SLC44A5: variants seen among roughly 807,000 people sequenced by gnomAD.
SLC44A5 encodes choline transporter-like protein 5.
In SLC44A5, 57 loss-of-function variants were observed where a neutral mutation model predicts 101.8. The ratio of observed to expected loss-of-function variants is 0.56; its 90% CI spans 0.45 to 0.70. The LOEUF is 0.70. Ranked by LOEUF, SLC44A5 falls within the 30% of genes least tolerant of loss-of-function variation. SLC44A5 has a pLI of 0.00. For synonymous variants in SLC44A5, 281 were observed against 290.9 expected, an observed-to-expected ratio of 0.97 and a Z score of 0.35; for missense variants, 737 against 853.1, an observed-to-expected ratio of 0.86 and a Z score of 1.70.
chr1:75,565,346 T>G (rs1226263468), intron 1 of SLC44A5, among the ~76,000 whole-genome samples: 3 of 152,196 alleles, frequency 2.0e-5, no homozygotes, highest in Admixed American at 6.5e-5. Context: ...AAGAGAAGTC[T>G]AGAGAGAACA....
chr1:75,515,520 T>A (rs1669783532), intron 2 of SLC44A5, among the ~76,000 whole-genome samples: 1 of 152,230 alleles, frequency 6.6e-6, no homozygotes, highest in East Asian at 1.9e-4. Flanking sequence ...TAGGTAAGAA[T>A]GTGAGATATT....
Position 75,219,866 on chromosome 1 carries a change from A to G in SLC44A5, c.1112T>C (p.Leu371Ser). ...AATGAAAGTTAAAGCTGGATAGACTAATGTACTAGGAACATATCCAATGGC... is the reference window on the plus strand; with the variant it reads ...AATGAAAGTTAAAGCTGGATAGACTGATGTACTAGGAACATATCCAATGGC... ...SKAIGYVPSTLVYPALTFILL... is the reference protein window; with the variant it reads ...SKAIGYVPSTSVYPALTFILL... Residue 371 changes from leucine (L) to serine (S), a missense_variant, in exon 15 of 24, where the codon TTA becomes TCA. Leu to Ser is a moderately radical substitution (Grantham distance 145). Transcript: ENST00000370859. The G allele has an allele frequency of 6.2e-7, 1 of 1,611,634 alleles. No homozygotes were observed. Among genetic ancestry groups the G allele is most frequent in the Non-Finnish European group, 8.5e-7 (1 of 1,178,210 alleles).
At chr1:75,715,292 A>G in the SLC44A5 span, among the ~76,000 whole-genome samples, 1 of 152,194 alleles carries the variant, frequency 6.6e-6, no homozygotes, top group Non-Finnish European at 1.5e-5. Context: ...TTAAAAAAAC[A>G]ATATTTTAAA....
chr1:75,315,811 ATC>A (rs1655642902), intron 4 of SLC44A5, among the ~76,000 whole-genome samples: 1 of 151,886 alleles, frequency 6.6e-6, no homozygotes, highest in South Asian at 2.1e-4. Flanking sequence ...CTCCTTAACT[ATC>A]TCTGCCCGCC....
At chr1:75,591,728 A>G (rs1570693379) in intron 1 of SLC44A5, among the ~76,000 whole-genome samples, 3 of 152,292 alleles carry the variant, frequency 2.0e-5, no homozygotes, top group Middle Eastern at 3.4e-3. Flanking sequence ...CAACATATGC[A>G]AATCAAGCAA....
rs117201820 is a variant in SLC44A5, at chr1:75,486,685, G to A, written c.13+54750C>T. Reference sequence around the variant, plus strand: ...CAAAGAGGCCACAGGCCCCATGCCAGTCTGAAACCCAGTGGGGCAGTCATT... The same window carrying A: ...CAAAGAGGCCACAGGCCCCATGCCAATCTGAAACCCAGTGGGGCAGTCATT... On this transcript the variant is annotated intron_variant, in intron 2 of 23. Coordinates refer to ENST00000370859, the MANE Select transcript of SLC44A5 (RefSeq NM_001130058.2). Among the ~76,000 whole-genome samples, 470 of 152,338 alleles carry A rather than the reference G, an allele frequency of 3.1e-3. 31 individuals carry two copies. In the East Asian group the frequency reaches 0.083, roughly 27 times the overall value.
chr1:75,569,320 A>G (rs889566856), intron 1 of SLC44A5, among the ~76,000 whole-genome samples: 4 of 144,252 alleles, frequency 2.8e-5, no homozygotes, highest in Non-Finnish European at 6.0e-5. Context: ...GGCTCACTGC[A>G]GCTTCTACCT....
chr1:75,343,033 G>A (rs1160685048), intron 3 of SLC44A5, among the ~76,000 whole-genome samples: 6 of 151,974 alleles, frequency 3.9e-5, no homozygotes, highest in Non-Finnish European at 7.4e-5. Context: ...GGGCCCTCAC[G>A]TACTCTAATT....
chr1:75,704,525 T>C, the SLC44A5 span, among the ~76,000 whole-genome samples: 1 of 152,204 alleles, frequency 6.6e-6, no homozygotes, highest in African/African-American at 2.4e-5. Context: ...AAATTTGTAA[T>C]TTTCTCCCTA....
intron 5 of SLC44A5, among the ~76,000 whole-genome samples, chr1:75,289,325 G>C (rs1183391592): frequency 6.6e-6 from 1 of 152,172 alleles, no homozygotes; most frequent in East Asian, 1.9e-4. Context: ...AGTCACAGTA[G>C]AGGTCTCTAG....
chr1:75,648,767 GA>G, the SLC44A5 span, among the ~76,000 whole-genome samples: 1 of 149,538 alleles, frequency 6.7e-6, no homozygotes, highest in Non-Finnish European at 1.5e-5. Context: ...ACTTTGATGG[GA>G]AAAAAAAGGA....
At chr1:75,392,182 A>G (rs938799468) in intron 3 of SLC44A5, among the ~76,000 whole-genome samples, 3 of 152,130 alleles carry the variant, frequency 2.0e-5, no homozygotes, top group Non-Finnish European at 4.4e-5. Flanking sequence ...GACCTAATTA[A>G]ACTGAAGAGC....
chr1:75,651,696 CAAA>C, the SLC44A5 span, among the ~76,000 whole-genome samples: 2 of 70,140 alleles, frequency 2.9e-5, no homozygotes, highest in African/African-American at 5.1e-5. Context: ...GACTCTGTCT[CAAA>C]AAAAAAAAAA....
the SLC44A5 span, among the ~76,000 whole-genome samples, chr1:75,631,929 A>C: frequency 6.6e-6 from 1 of 152,110 alleles, no homozygotes; most frequent in Non-Finnish European, 1.5e-5. Flanking sequence ...GGCCTCCCAA[A>C]GTGCTGGATT....
At chr1:75,496,319 A>G (rs958999961) in intron 2 of SLC44A5, among the ~76,000 whole-genome samples, 4 of 152,174 alleles carry the variant, frequency 2.6e-5, no homozygotes, top group African/African-American at 9.6e-5. Flanking sequence ...TTGTCAAATA[A>G]TAATTGACAA....
the SLC44A5 span, among the ~76,000 whole-genome samples, chr1:75,656,141 GT>G: frequency 6.6e-6 from 1 of 152,176 alleles, no homozygotes; most frequent in Non-Finnish European, 1.5e-5. Flanking sequence ...TTCCAACTGA[GT>G]ATACTGTATC....
At chr1:75,609,697 C>T (rs1220848707) in intron 1 of SLC44A5, among the ~76,000 whole-genome samples, 1 of 152,004 alleles carries the variant, frequency 6.6e-6, no homozygotes, top group African/African-American at 2.4e-5. Context: ...GAAAAGAGAA[C>T]TTCAGGGTTT....
At chr1:75,701,356 G>A in the SLC44A5 span, among the ~76,000 whole-genome samples, 7 of 152,108 alleles carry the variant, frequency 4.6e-5, no homozygotes, top group Admixed American at 1.3e-4. Context: ...TTCAACATAC[G>A]CAAATCAATA....
At chr1:75,621,500 T>C in the SLC44A5 span, among the ~76,000 whole-genome samples, 1 of 152,082 alleles carries the variant, frequency 6.6e-6, no homozygotes, top group East Asian at 1.9e-4. Context: ...ATGATTGCCA[T>C]GAATGTATGT....
Sources: gnomAD v4.1 joint callset for allele counts (sites outside exome capture counted in the v4.1 genomes callset) on GRCh38, gnomAD v4.1.1 for gene constraint, MANE v1.5 for transcripts, NCBI Gene and HGNC (gene_info 2026-07-23, HGNC 2026-07-21) for gene names.